Variants in SPMIP2 observed in about 807,000 individuals in gnomAD.
SPMIP2 encodes the protein sperm microtubule inner protein 2.
the SPMIP2 span, among the ~76,000 whole-genome samples, chr4:159,073,182 C>T: frequency 6.6e-6 from 1 of 152,138 alleles, no homozygotes; most frequent in Non-Finnish European, 1.5e-5. Context: ...GAGACAGGGT[C>T]TCACTTTGTC....
At chr4:159,034,120 G>C in the SPMIP2 span, among the ~76,000 whole-genome samples, 1 of 152,320 alleles carries the variant, frequency 6.6e-6, no homozygotes, top group East Asian at 1.9e-4. Flanking sequence ...CTGGGCAACA[G>C]GGCGAGACTC....
At chr4:159,015,327 A>C in the SPMIP2 span, among the ~76,000 whole-genome samples, 1 of 152,262 alleles carries the variant, frequency 6.6e-6, no homozygotes, top group African/African-American at 2.4e-5. Flanking sequence ...GCCTCATGCA[A>C]ACCAGTCATG....
the SPMIP2 span, among the ~76,000 whole-genome samples, chr4:158,951,798 G>A: frequency 5.3e-5 from 8 of 152,306 alleles, no homozygotes; most frequent in African/African-American, 1.9e-4. Flanking sequence ...CTAACTAGGT[G>A]ACTAGCTGAA....
chr4:158,935,399 T>TGGGGTA, the SPMIP2 span, among the ~76,000 whole-genome samples: 86 of 152,316 alleles, frequency 5.6e-4, no homozygotes, highest in Middle Eastern at 3.4e-3. Context: ...CACAGACCAT[T>TGGGGTA]GTTCATACCC....
At chr4:159,034,983 A>C in the SPMIP2 span, 1 of 1,421,918 alleles carries the variant, frequency 7.0e-7, no homozygotes, top group Non-Finnish European at 9.8e-7. Context: ...TATGTGAGAG[A>C]AAAAGCAAAT....
the SPMIP2 span, among the ~76,000 whole-genome samples, chr4:159,071,157 T>G: frequency 1.3e-5 from 2 of 152,250 alleles, no homozygotes; most frequent in African/African-American, 4.8e-5. Context: ...TATTAGTGGC[T>G]GCTAACTCGT....
At chr4:158,952,972 A>C in the SPMIP2 span, among the ~76,000 whole-genome samples, 2 of 152,200 alleles carry the variant, frequency 1.3e-5, no homozygotes, top group African/African-American at 2.4e-5. Flanking sequence ...GGTGCTGCTA[A>C]AGGTATTCAG....
chr4:159,016,072 A>C, the SPMIP2 span, among the ~76,000 whole-genome samples: 2 of 152,236 alleles, frequency 1.3e-5, no homozygotes, highest in African/African-American at 4.8e-5. Context: ...CAGACTGATG[A>C]CGTCAACACA....
chr4:159,007,417 C>T, the SPMIP2 span: 16 of 667,406 alleles, frequency 2.4e-5, 1 homozygote, highest in South Asian at 1.4e-4. Context: ...ATGAGAAGGT[C>T]CTGTTCCTGC....
At chr4:159,044,388 A>G in the SPMIP2 span, among the ~76,000 whole-genome samples, 23 of 138,394 alleles carry the variant, frequency 1.7e-4, no homozygotes, top group South Asian at 7.0e-4. Context: ...AAAAAAAAAA[A>G]AGAGAGAAAG....
the SPMIP2 span, among the ~76,000 whole-genome samples, chr4:158,986,350 A>G: frequency 6.6e-6 from 1 of 151,864 alleles, no homozygotes; most frequent in Non-Finnish European, 1.5e-5. Context: ...CAAAAGAACA[A>G]AGCTGGAGGC....
At chr4:158,952,458 G>A in the SPMIP2 span, among the ~76,000 whole-genome samples, 9 of 152,162 alleles carry the variant, frequency 5.9e-5, no homozygotes, top group African/African-American at 1.9e-4. Context: ...ACCATATAAG[G>A]AGACTTCCCC....
the SPMIP2 span, among the ~76,000 whole-genome samples, chr4:158,968,050 G>T: frequency 6.6e-6 from 1 of 152,056 alleles, no homozygotes; most frequent in Non-Finnish European, 1.5e-5. Context: ...ATTTATTTTT[G>T]AGAAGGTCTC....
the SPMIP2 span, among the ~76,000 whole-genome samples, chr4:159,051,332 A>G: frequency 0.53 from 79,905 of 151,880 alleles, 21,665 homozygotes; most frequent in East Asian, 0.76. Context: ...TTTCACATGG[A>G]CTTTTGGGGG....
chr4:159,048,387 A>G, the SPMIP2 span, among the ~76,000 whole-genome samples: 1 of 152,192 alleles, frequency 6.6e-6, no homozygotes, highest in African/African-American at 2.4e-5. Flanking sequence ...TCCCACGTAC[A>G]ACATTCAAAA....
chr4:158,974,187 A>T, the SPMIP2 span, among the ~76,000 whole-genome samples: 1 of 151,202 alleles, frequency 6.6e-6, no homozygotes, highest in South Asian at 2.1e-4. Context: ...ATAACAGATT[A>T]CCAAAGGCAG....
the SPMIP2 span, chr4:158,909,370 T>C: frequency 9.9e-5 from 15 of 152,168 alleles, no homozygotes; most frequent in East Asian, 2.9e-3. Flanking sequence ...TTTTTCCTTT[T>C]CGTGCATGTT....
the SPMIP2 span, among the ~76,000 whole-genome samples, chr4:158,941,804 T>C: frequency 2.0e-5 from 3 of 152,294 alleles, no homozygotes. Flanking sequence ...AGGTAAGAAA[T>C]GTACCTGGTT....
At chr4:158,909,762 G>T in the SPMIP2 span, among the ~76,000 whole-genome samples, 11 of 152,176 alleles carry the variant, frequency 7.2e-5, no homozygotes, top group Non-Finnish European at 1.2e-4. Context: ...AAAATTTGGG[G>T]CTGGACGCAA....
Sources: allele counts gnomAD v4.1 joint callset (sites outside exome capture counted in the v4.1 genomes callset), GRCh38; gene constraint gnomAD v4.1.1; transcripts MANE v1.5; gene names NCBI Gene and HGNC (gene_info 2026-07-23, HGNC 2026-07-21).